The following ZMIZ1 variants were observed in gnomAD, a reference collection of about 807,000 sequenced individuals.
ZMIZ1 encodes the protein zinc finger MIZ domain-containing protein 1.
In ZMIZ1, 17 loss-of-function variants were observed where a neutral mutation model predicts 113.9. That is an observed-to-expected ratio of 0.15 (90% CI 0.10 to 0.22). ZMIZ1 has a LOEUF of 0.22. Ranked by LOEUF, ZMIZ1 falls within the 10% of genes least tolerant of loss-of-function variation. The pLI is 1.00. For synonymous variants in ZMIZ1, 607 were observed against 603.1 expected (o/e 1.01, Z -0.09); for missense variants, 1,059 against 1,477.8 (o/e 0.72, Z 4.65).
intron 24 of ZMIZ1, among the ~76,000 whole-genome samples, chr10:79,311,691 GC>G (rs1855179033): frequency 6.6e-6 from 1 of 152,062 alleles, no homozygotes; most frequent in African/African-American, 2.4e-5. Flanking sequence ...GAAGGTGGGG[GC>G]AGAGGGGGCA....
At chr10:79,139,453 A>G (rs1428110094) in intron 2 of ZMIZ1, among the ~76,000 whole-genome samples, 2 of 151,990 alleles carry the variant, frequency 1.3e-5, no homozygotes, top group East Asian at 1.9e-4. Context: ...AACAAAACTT[A>G]TATTTATATA....
At chr10:79,200,066 T>C (rs1432275597) in intron 4 of ZMIZ1, among the ~76,000 whole-genome samples, 1 of 152,090 alleles carries the variant, frequency 6.6e-6, no homozygotes, top group Non-Finnish European at 1.5e-5. Context: ...AGAGAGTGTG[T>C]GTGAAAAGGA....
intron 7 of ZMIZ1, among the ~76,000 whole-genome samples, chr10:79,249,164 C>A (rs1001026920): frequency 6.6e-6 from 1 of 152,228 alleles, no homozygotes; most frequent in African/African-American, 2.4e-5. Context: ...TCTGCTGCTT[C>A]CAGGCCCAGC....
intron 23 of ZMIZ1, among the ~76,000 whole-genome samples, chr10:79,308,654 G>C (rs1854898834): frequency 6.6e-6 from 1 of 152,176 alleles, no homozygotes; most frequent in Admixed American, 6.5e-5. Flanking sequence ...GTCGGAAATA[G>C]ATGCTTTGTG....
At chr10:79,269,396 G>A (rs926019664) in intron 7 of ZMIZ1, among the ~76,000 whole-genome samples, 1 of 151,054 alleles carries the variant, frequency 6.6e-6, no homozygotes, top group Admixed American at 6.6e-5. Context: ...CCCTCTGAGT[G>A]CTGCCCCATC....
intron 7 of ZMIZ1, among the ~76,000 whole-genome samples, chr10:79,216,715 GT>G (rs1848747158): frequency 6.6e-6 from 1 of 152,184 alleles, no homozygotes; most frequent in South Asian, 2.1e-4. Flanking sequence ...GCCTAGGCCT[GT>G]ACTTCAGAGT....
intron 7 of ZMIZ1, among the ~76,000 whole-genome samples, chr10:79,238,290 G>A (rs1048636658): frequency 6.6e-6 from 1 of 152,192 alleles, no homozygotes. Flanking sequence ...AAAATGAAAC[G>A]ATTATAGGAT....
chr10:79,163,199 C>G (rs908147702), intron 4 of ZMIZ1, among the ~76,000 whole-genome samples: 1 of 152,234 alleles, frequency 6.6e-6, no homozygotes, highest in African/African-American at 2.4e-5. Flanking sequence ...CCTAACATCC[C>G]CTGCTGCCCT....
intron 7 of ZMIZ1, among the ~76,000 whole-genome samples, chr10:79,240,026 C>T (rs1849749190): frequency 6.6e-6 from 1 of 152,186 alleles, no homozygotes; most frequent in African/African-American, 2.4e-5. Flanking sequence ...GCTGCAGCGC[C>T]GTGATTTATC....
intron 7 of ZMIZ1, among the ~76,000 whole-genome samples, chr10:79,234,232 C>T (rs1310203062): frequency 6.6e-6 from 1 of 152,162 alleles, no homozygotes; most frequent in African/African-American, 2.4e-5. Context: ...GATGCCAGGA[C>T]ACCAGTCTGC....
chr10:79,147,824 G>A (rs1845554519), intron 3 of ZMIZ1, among the ~76,000 whole-genome samples: 1 of 152,176 alleles, frequency 6.6e-6, no homozygotes, highest in Admixed American at 6.5e-5. Flanking sequence ...CTCTAGGGAG[G>A]TGTGAGCCAG....
intron 7 of ZMIZ1, among the ~76,000 whole-genome samples, chr10:79,237,489 G>A (rs1416740064): frequency 2.0e-5 from 3 of 152,184 alleles, no homozygotes; most frequent in African/African-American, 7.2e-5. Context: ...TGTCAGTAGG[G>A]CCAAGGTCCC....
intron 6 of ZMIZ1, among the ~76,000 whole-genome samples, chr10:79,213,404 T>C (rs1184914281): frequency 6.6e-6 from 1 of 152,210 alleles, no homozygotes. Flanking sequence ...AGCACGGTCC[T>C]GCCCTCTCTG....
chr10:79,091,399 C>T (rs1015420783), intron 1 of ZMIZ1, among the ~76,000 whole-genome samples: 17 of 152,226 alleles, frequency 1.1e-4, no homozygotes, highest in African/African-American at 4.1e-4. Context: ...AATATTTCTC[C>T]ATTAGAAGGA....
At chr10:79,266,291 A>G (rs2131926362) in intron 7 of ZMIZ1, among the ~76,000 whole-genome samples, 1 of 152,322 alleles carries the variant, frequency 6.6e-6, no homozygotes, top group East Asian at 1.9e-4. Context: ...ACATGATGTC[A>G]CAGAATTATG....
intron 18 of ZMIZ1, 143 bp from the exon 19 acceptor site, chr10:79,303,872 C>A: frequency 8.2e-7 from 1 of 1,213,968 alleles, no homozygotes; most frequent in Non-Finnish European, 1.2e-6. Flanking sequence ...GTGCCACACA[C>A]TGCCCTCTCA....
At chr10:79,216,023 G>A (rs915784791) in intron 6 of ZMIZ1, 146 bp from the exon 7 acceptor site, 1 of 478,132 alleles carries the variant, frequency 2.1e-6, no homozygotes, top group Non-Finnish European at 3.6e-6. Context: ...CTGAGCAACT[G>A]AAGAAGGCAC....
chr10:79,097,940 C>T (rs781523672), intron 1 of ZMIZ1, among the ~76,000 whole-genome samples: 10 of 152,184 alleles, frequency 6.6e-5, no homozygotes, highest in Non-Finnish European at 1.3e-4. Flanking sequence ...CAGACGTAGA[C>T]GGGCAAAGCC....
At chr10:79,170,910 C>A (rs531108945) in intron 4 of ZMIZ1, among the ~76,000 whole-genome samples, 165 of 152,276 alleles carry the variant, frequency 1.1e-3, no homozygotes, top group Non-Finnish European at 2.0e-3. Context: ...CAGGCTTAAG[C>A]CCTCAACTTA....
Sources: allele counts gnomAD v4.1 joint callset (sites outside exome capture counted in the v4.1 genomes callset), GRCh38; gene constraint gnomAD v4.1.1; transcripts MANE v1.5; gene names NCBI Gene and HGNC (gene_info 2026-07-23, HGNC 2026-07-21).